Variants in PDS5B observed in about 807,000 individuals in gnomAD.
PDS5B encodes PDS5 cohesin associated factor B.
A neutral mutation model predicts 184.1 loss-of-function variants in PDS5B; 51 were observed. That is an observed-to-expected ratio of 0.28 (90% CI 0.22 to 0.35). The LOEUF is 0.35. Among genes scored for constraint, PDS5B ranks in the 10% least tolerant of loss-of-function variants. The pLI, the probability that PDS5B is intolerant of heterozygous loss-of-function variation, is 1.00. For missense variants in PDS5B, 1,180 were observed against 1,723.3 expected, an observed-to-expected ratio of 0.68 and a Z score of 5.58; for synonymous variants, 566 against 569.2, an observed-to-expected ratio of 0.99 and a Z score of 0.08.
chr13:32,638,969 C>T (rs530827018), intron 1 of PDS5B, among the ~76,000 whole-genome samples: 1 of 151,206 alleles, frequency 6.6e-6, no homozygotes, highest in African/African-American at 2.4e-5. Context: ...GGGCGTGGGG[C>T]GGGGGCGGCG....
chr13:32,767,610 C>A (rs921821738), intron 31 of PDS5B, among the ~76,000 whole-genome samples: 3 of 152,018 alleles, frequency 2.0e-5, no homozygotes, highest in Non-Finnish European at 4.4e-5. Flanking sequence ...TTGACAGATT[C>A]ATAGATTTAA....
chr13:32,689,356 T>C (rs1951482496), intron 13 of PDS5B: 1 of 152,202 alleles, frequency 6.6e-6, no homozygotes, highest in Admixed American at 6.6e-5. Context: ...TTTCTGTTTA[T>C]GTTTTATACA....
intron 1 of PDS5B, among the ~76,000 whole-genome samples, chr13:32,593,764 T>A (rs1446055693): frequency 6.6e-6 from 1 of 152,160 alleles, no homozygotes; most frequent in African/African-American, 2.4e-5. Context: ...GTCAGCCTTC[T>A]TGTCTTCCTG....
intron 19 of PDS5B, among the ~76,000 whole-genome samples, chr13:32,721,823 A>T (rs997330747): frequency 2.0e-5 from 3 of 150,348 alleles, no homozygotes; most frequent in Non-Finnish European, 4.4e-5. Context: ...GACACTCCTC[A>T]CTTCCTAGAC....
intron 28 of PDS5B, among the ~76,000 whole-genome samples, chr13:32,759,089 A>AG (rs879357914): frequency 1.3e-5 from 2 of 152,180 alleles, no homozygotes; most frequent in Non-Finnish European, 2.9e-5. Flanking sequence ...CAAAAACTCG[A>AG]GTGTGATATA....
chr13:32,699,503 T>C (rs1414911542), intron 15 of PDS5B, among the ~76,000 whole-genome samples: 2 of 152,226 alleles, frequency 1.3e-5, no homozygotes, highest in Admixed American at 6.5e-5. Context: ...TTTTAGACTT[T>C]CCTTGCATAT....
intron 7 of PDS5B, among the ~76,000 whole-genome samples, chr13:32,671,277 A>T (rs1000503732): frequency 9.2e-5 from 14 of 152,242 alleles, no homozygotes; most frequent in African/African-American, 3.4e-4. Flanking sequence ...GTGTTTTTTT[A>T]TGGAATTTGT....
chr13:32,587,042 CGGCGGCTGTTTCCCGGGCGGCA>C (rs1452844408), intron 1 of PDS5B, among the ~76,000 whole-genome samples: 1 of 145,622 alleles, frequency 6.9e-6, no homozygotes, highest in African/African-American at 2.5e-5. Flanking sequence ...CCCGGCCGGC[CGGCGGCTGTTTCCCGGGCGGCA>C]GGCGGGCGGC....
At chr13:32,719,953 G>C (rs529346196) in intron 19 of PDS5B, among the ~76,000 whole-genome samples, 8 of 151,804 alleles carry the variant, frequency 5.3e-5, no homozygotes, top group Non-Finnish European at 1.2e-4. Context: ...ACCACCCCTG[G>C]CAATTTTTTT....
chr13:32,600,978 T>G (rs191575216), intron 1 of PDS5B, among the ~76,000 whole-genome samples: 1 of 152,290 alleles, frequency 6.6e-6, no homozygotes, highest in Non-Finnish European at 1.5e-5. Flanking sequence ...CTACCGTAGC[T>G]CTCTCCTTTG....
At chr13:32,761,864 T>G (rs1954412918) in intron 30 of PDS5B, among the ~76,000 whole-genome samples, 1 of 152,176 alleles carries the variant, frequency 6.6e-6, no homozygotes, top group African/African-American at 2.4e-5. Context: ...TGTTTTAGGT[T>G]CTTTGAGAAA....
chr13:32,691,188 T>C (rs903848567), intron 13 of PDS5B: 1 of 152,058 alleles, frequency 6.6e-6, no homozygotes, highest in African/African-American at 2.4e-5. Context: ...TACATGTATA[T>C]GTATGTGTAT....
At chr13:32,603,061 G>A (rs2058003522) in intron 1 of PDS5B, among the ~76,000 whole-genome samples, 1 of 152,152 alleles carries the variant, frequency 6.6e-6, no homozygotes, top group African/African-American at 2.4e-5. Flanking sequence ...TCACTCTGAT[G>A]GTAGTTTCTT....
chr13:32,599,970 A>G (rs780451433), intron 1 of PDS5B, among the ~76,000 whole-genome samples: 5 of 152,200 alleles, frequency 3.3e-5, no homozygotes, highest in Non-Finnish European at 7.4e-5. Context: ...TCCTCTTGAG[A>G]TTCTGCTTAC....
intron 15 of PDS5B, among the ~76,000 whole-genome samples, chr13:32,697,739 T>C (rs1951747615): frequency 6.6e-6 from 1 of 152,186 alleles, no homozygotes; most frequent in Non-Finnish European, 1.5e-5. Context: ...AGGTGAGATC[T>C]TGCTCTTTTG....
At chr13:32,623,963 C>T (rs531253236) in intron 1 of PDS5B, among the ~76,000 whole-genome samples, 2 of 152,198 alleles carry the variant, frequency 1.3e-5, no homozygotes, top group East Asian at 3.9e-4. Flanking sequence ...AGGCGTGTGC[C>T]ACCACGCCCA....
At chr13:32,763,002 A>G (rs1954461491) in intron 30 of PDS5B, among the ~76,000 whole-genome samples, 1 of 152,142 alleles carries the variant, frequency 6.6e-6, no homozygotes, top group South Asian at 2.1e-4. Flanking sequence ...TACTTTTTCA[A>G]TATAGTTTTC....
chr13:32,660,178 C>G (rs1950606418), intron 6 of PDS5B, among the ~76,000 whole-genome samples: 1 of 152,194 alleles, frequency 6.6e-6, no homozygotes, highest in African/African-American at 2.4e-5. Flanking sequence ...TGTCCTGACT[C>G]TACCCAGCCC....
intron 31 of PDS5B, among the ~76,000 whole-genome samples, chr13:32,769,298 A>G (rs1406494777): frequency 6.6e-6 from 1 of 152,222 alleles, no homozygotes; most frequent in African/African-American, 2.4e-5. Flanking sequence ...AGGAAGCTCA[A>G]TTTAAAGTTA....
Sources: allele counts gnomAD v4.1 joint callset (sites outside exome capture counted in the v4.1 genomes callset), GRCh38; gene constraint gnomAD v4.1.1; transcripts MANE v1.5; gene names NCBI Gene and HGNC (gene_info 2026-07-23, HGNC 2026-07-21).